Variants in MFSD11 observed in about 807,000 individuals in gnomAD.
MFSD11 encodes UNC93-like protein MFSD11.
MFSD11 carries 36 observed loss-of-function variants against 53.5 expected under a neutral mutation model. The observed-to-expected ratio is 0.67, with a 90% CI of 0.52 to 0.89. The LOEUF is 0.89. MFSD11 is among the 40% of genes least tolerant of loss of function. The pLI, the probability that MFSD11 is intolerant of heterozygous loss-of-function variation, is 0.00. For synonymous variants in MFSD11, 186 were observed against 184.9 expected (o/e 1.01, Z -0.05); for missense variants, 530 against 543.9 (o/e 0.97, Z 0.25).
At chr17:76,795,546 C>T in the MFSD11 span, among the ~76,000 whole-genome samples, 1 of 151,948 alleles carries the variant, frequency 6.6e-6, no homozygotes, top group Non-Finnish European at 1.5e-5. Context: ...TATGCAAATA[C>T]TATGCTATTT....
At position 76,761,626 on chromosome 17, in the gene MFSD11, T is replaced by A. The variant is rs1371652819; in HGVS notation, c.683-5760T>A. ...TAGATTCTGCCTTTTTAAATTGAGA[T>A]ATAATTCATATACTGGCCGGGCGCA... On this transcript the variant is annotated intron_variant, in intron 8 of 12. Coordinates refer to ENST00000685175, the MANE Select transcript of MFSD11 (RefSeq NM_001242532.5). 3.3e-5 allele frequency among the ~76,000 whole-genome samples: 5 copies of A among 152,064 alleles called. No homozygotes were observed. The East Asian group carries it at 9.6e-4, about 29-fold the overall frequency.
chr17:76,741,861 G>A (rs1487830208), intron 3 of MFSD11, 108 bp from the exon 4 acceptor site: 7 of 1,545,512 alleles, frequency 4.5e-6, no homozygotes, highest in African/African-American at 1.4e-5. Context: ...ATCCTTTACA[G>A]GTTGAGTTTT....
intron 10 of MFSD11, among the ~76,000 whole-genome samples, chr17:76,771,410 A>G (rs186915500): frequency 2.0e-5 from 3 of 152,366 alleles, no homozygotes; most frequent in Non-Finnish European, 4.4e-5. Context: ...CACTTGCAGT[A>G]TATTGAATAT....
intron 3 of MFSD11, among the ~76,000 whole-genome samples, chr17:76,741,510 A>G (rs1407108786): frequency 6.6e-6 from 1 of 152,214 alleles, no homozygotes; most frequent in African/African-American, 2.4e-5. Flanking sequence ...ACAGTGGCTC[A>G]CACCTGTAAA....
At chr17:76,774,709 A>G (rs1329314419) in intron 10 of MFSD11, among the ~76,000 whole-genome samples, 5 of 152,200 alleles carry the variant, frequency 3.3e-5, no homozygotes, top group South Asian at 2.1e-4. Flanking sequence ...TATTTCTGTT[A>G]TAAGCTACAG....
upstream of MFSD11, chr17:76,736,801 G>T (rs1306917589): frequency 1.3e-6 from 2 of 1,560,268 alleles, no homozygotes; most frequent in Non-Finnish European, 8.6e-7. Flanking sequence ...CCGTTTACCT[G>T]CGGCTCCGGC....
the MFSD11 span, among the ~76,000 whole-genome samples, chr17:76,787,685 A>G: frequency 6.7e-6 from 1 of 149,696 alleles, no homozygotes; most frequent in Non-Finnish European, 1.5e-5. Flanking sequence ...AACCAAAAAT[A>G]AAACCCTAAC....
rs745449778 is a variant in MFSD11 at position 76,776,445 on chromosome 17, T to C, written c.1089T>C (p.Leu363=). The part of the protein sequence containing the change: ...VAILCSFLLG[L]GDSCFNTQLL... ...TTCTCTGCAGTTTTCTGTTGGGCCTTGGAGACAGCTGCTTTAATACCCAGC... is the reference window on the plus strand; with the variant it reads ...TTCTCTGCAGTTTTCTGTTGGGCCTCGGAGACAGCTGCTTTAATACCCAGC... The change falls in exon 12 of 13, where the codon CTT becomes CTC. Residue 363 remains leucine (L), a synonymous_variant. Coordinates refer to ENST00000685175, the MANE Select transcript of MFSD11 (RefSeq NM_001242532.5). The surrounding 1 kb of genome is among the most constrained non-coding windows in gnomAD (Gnocchi z 4.2). The C allele has an allele frequency of 6.2e-7, 1 of 1,614,126 alleles. No individual in the cohort carries two copies. Among genetic ancestry groups the C allele is most frequent in the Non-Finnish European group, 8.5e-7 (1 of 1,180,014 alleles).
chr17:76,793,300 T>C, the MFSD11 span, among the ~76,000 whole-genome samples: 11 of 151,532 alleles, frequency 7.3e-5, 1 homozygote, highest in East Asian at 3.9e-4. Context: ...GGGGCCATTT[T>C]AGAGGCCTAC....
intron 8 of MFSD11, 190 bp downstream of exon 8, chr17:76,754,277 A>G: frequency 1.8e-6 from 1 of 547,266 alleles, no homozygotes; most frequent in Admixed American, 3.2e-5. Context: ...GGGATGGATG[A>G]TGGTATGACT....
At chr17:76,794,692 T>G in the MFSD11 span, among the ~76,000 whole-genome samples, 245 of 3,880 alleles carry the variant, frequency 0.063, 19 homozygotes, top group East Asian at 0.23. Context: ...TTTTTTTTTT[T>G]TTTTTTTTTT....
At chr17:76,780,210 C>T (rs1238484351), downstream of MFSD11, among the ~76,000 whole-genome samples, 3 of 152,308 alleles carry the variant, frequency 2.0e-5, no homozygotes, top group East Asian at 1.9e-4. Context: ...AAAAAGTAGT[C>T]GCTGCCTGTC....
At chr17:76,762,368 G>A (rs1371621660) in intron 8 of MFSD11, among the ~76,000 whole-genome samples, 1 of 152,160 alleles carries the variant, frequency 6.6e-6, no homozygotes, top group Non-Finnish European at 1.5e-5. Flanking sequence ...GATGAATAAA[G>A]TACACTGACA....
chr17:76,795,867 A>T, the MFSD11 span, among the ~76,000 whole-genome samples: 4 of 143,970 alleles, frequency 2.8e-5, no homozygotes, highest in African/African-American at 1.0e-4. Context: ...GGGTTTCACC[A>T]TGTTGGCCAG....
At chr17:76,737,339 C>A (rs1180879584), upstream of MFSD11, 1 of 788,766 alleles carries the variant, frequency 1.3e-6, no homozygotes, top group Non-Finnish European at 1.9e-6. Flanking sequence ...ACTGGGCGGG[C>A]AGCCGGCCTC....
chr17:76,748,885 C>T (rs943111886), intron 7 of MFSD11, among the ~76,000 whole-genome samples: 2 of 152,042 alleles, frequency 1.3e-5, no homozygotes, highest in African/African-American at 4.8e-5. Context: ...TCCTTTCTTT[C>T]CCTTCCCTCT....
intron 5 of MFSD11, 68 bp downstream of exon 5, chr17:76,742,341 T>G: frequency 7.5e-7 from 1 of 1,325,372 alleles, no homozygotes; most frequent in Non-Finnish European, 1.1e-6. Context: ...ATTTTTTAGG[T>G]CTTTGGTTGA....
chr17:76,769,677 C>A (rs2081210414), intron 9 of MFSD11, 69 bp from the exon 10 acceptor site: 2 of 1,258,904 alleles, frequency 1.6e-6, no homozygotes, highest in East Asian at 4.7e-5. Context: ...TCGTCAGATA[C>A]TACTAGATGG....
At chr17:76,763,726 T>C (rs2144688160) in intron 8 of MFSD11, among the ~76,000 whole-genome samples, 1 of 152,244 alleles carries the variant, frequency 6.6e-6, no homozygotes, top group South Asian at 2.1e-4. Context: ...AAATGTTTTC[T>C]CCCGTTCTAT....
Sources: allele counts gnomAD v4.1 joint callset (sites outside exome capture counted in the v4.1 genomes callset), GRCh38; gene constraint gnomAD v4.1.1; non-coding constraint Gnocchi (gnomAD v3.1); transcripts MANE v1.5; gene names NCBI Gene and HGNC (gene_info 2026-07-23, HGNC 2026-07-21).